Variants in ADAP1 observed in about 807,000 individuals in gnomAD.
The protein encoded by ADAP1 is arf-GAP with dual PH domain-containing protein 1.
Under a neutral mutation model 54.9 loss-of-function variants are expected in ADAP1, and 31 were observed. That is an observed-to-expected ratio of 0.56 (90% confidence interval 0.42 to 0.76). The LOEUF (loss-of-function observed/expected upper bound fraction) is 0.76. Ranked by LOEUF, ADAP1 falls within the 30% of genes least tolerant of loss-of-function variation. The pLI, the probability that ADAP1 is intolerant of heterozygous loss-of-function variation, is 0.00. For missense variants in ADAP1, 535 were observed against 512.4 expected (o/e 1.04, Z -0.42); for synonymous variants, 313 against 202.6 (o/e 1.55, Z -4.63).
intron 4 of ADAP1, among the ~76,000 whole-genome samples, chr7:913,145 T>C (rs1845790148): frequency 6.6e-6 from 1 of 151,712 alleles, no homozygotes; most frequent in Admixed American, 6.6e-5. Flanking sequence ...TGCCCGGCCT[T>C]CTTTTGTATT....
rs1156273937 is a variant in ADAP1 at position 905,270 on chromosome 7, C to CACGGGGGACACGG, written c.389-111_389-99dup. 2.7e-3 allele frequency: 1,380 copies of CACGGGGGACACGG among 507,910 alleles called. 61 individuals are homozygous for CACGGGGGACACGG. The highest frequency in any genetic ancestry group is 5.5e-3 in the Admixed American group (186 of 34,070). 31.5% of individuals were successfully genotyped at this position (507,910 alleles called of 1,614,324 possible). A position where few individuals can be genotyped will look rare whatever the true frequency, so the allele number is the denominator to read the frequency against. On this transcript the variant is annotated intron_variant, in intron 4 of 10. Coordinates refer to ENST00000265846, the MANE Select transcript of ADAP1 (RefSeq NM_006869.4). ...GGACAGAGGGGACATGGGGAGAAGACACGGGGGACACGGACGGGGGACACG... is the reference window on the plus strand; with the variant it reads ...GGACAGAGGGGACATGGGGAGAAGACACGGGGGACACGGACGGGGGACACGGACGGGGGACACG...
intron 4 of ADAP1, among the ~76,000 whole-genome samples, chr7:910,630 C>T (rs57602366): frequency 7.9e-5 from 12 of 152,340 alleles, no homozygotes; most frequent in African/African-American, 1.4e-4. Flanking sequence ...TCACACCTCA[C>T]GTATGTGATT....
At chr7:902,038 C>T (rs545246141) in intron 6 of ADAP1, among the ~76,000 whole-genome samples, 220 of 152,222 alleles carry the variant, frequency 1.4e-3, no homozygotes, top group Non-Finnish European at 2.7e-3. Flanking sequence ...CAGGCTGCAG[C>T]GGAAACTCCC....
At chr7:935,206 C>A in intron 2 of ADAP1, 169 bp downstream of exon 2, 1 of 942,260 alleles carries the variant, frequency 1.1e-6, no homozygotes, top group South Asian at 1.4e-5. Context: ...GCCACACAGG[C>A]GGAGCCGCTG....
intron 4 of ADAP1, among the ~76,000 whole-genome samples, chr7:905,880 A>AGAAGGGAGAAGGGAGAAGGGAGAAG (rs1562913143): frequency 1.4e-3 from 33 of 24,334 alleles, no homozygotes; most frequent in Admixed American, 3.0e-3. Flanking sequence ...GAAGGGAGAA[A>AGAAGGGAGAAGGGAGAAGGGAGAAG]GGAGAAAGGA....
In ADAP1 at chr7:898,005, C is replaced by T. The variant is rs1452382344; in HGVS notation, c.*916G>A. 1.3e-5 allele frequency: 2 copies of T among 152,212 alleles called. No individual in the cohort carries two copies. Among genetic ancestry groups the T allele is most frequent in the African/African-American group, 4.8e-5 (2 of 41,452 alleles). The allele number at this position is 152,212 out of a possible 1,614,324, so 9.4% of individuals were successfully genotyped here. A position where few individuals can be genotyped will look rare whatever the true frequency, so the allele number is the denominator to read the frequency against. ...CCTATGAGGGCTTGTCCAGGGCTCCCCTGGAACACAGCTCAGCCAGGCAAG... is the reference window on the plus strand; with the variant it reads ...CCTATGAGGGCTTGTCCAGGGCTCCTCTGGAACACAGCTCAGCCAGGCAAG... On this transcript the variant is annotated 3_prime_UTR_variant, in exon 11 of 11. Coordinates refer to ENST00000265846, the MANE Select transcript of ADAP1 (RefSeq NM_006869.4).
At chr7:925,323 C>A (rs1456036126) in intron 3 of ADAP1, among the ~76,000 whole-genome samples, 22 of 145,234 alleles carry the variant, frequency 1.5e-4, no homozygotes, top group Non-Finnish European at 2.5e-4. Context: ...GAATTTGCAA[C>A]CAGCCTGGGC....
At chr7:915,643 A>G (rs899993372) in intron 4 of ADAP1, among the ~76,000 whole-genome samples, 1 of 152,158 alleles carries the variant, frequency 6.6e-6, no homozygotes, top group Non-Finnish European at 1.5e-5. Context: ...TCTCAAGGGA[A>G]TATCTCAGAC....
intron 2 of ADAP1, among the ~76,000 whole-genome samples, chr7:930,690 A>C (rs1315802511): frequency 6.6e-6 from 1 of 151,814 alleles, no homozygotes; most frequent in African/African-American, 2.4e-5. Flanking sequence ...ATGGTGGCAC[A>C]CACCTGTGAT....
At chr7:902,402 G>A (rs1583118231) in intron 6 of ADAP1, among the ~76,000 whole-genome samples, 1 of 94,772 alleles carries the variant, frequency 1.1e-5, no homozygotes, top group South Asian at 3.4e-4. Flanking sequence ...AGGTTGCAGT[G>A]AGCCGAGATT....
At position 920,613 on chromosome 7, in the gene ADAP1, C is replaced by T. The variant is rs988875646; in HGVS notation, c.306-563G>A. Among the ~76,000 whole-genome samples, 16 of 152,176 alleles carry T rather than the reference C, an allele frequency of 1.1e-4. 1 individual carries two copies. The East Asian group carries it at 1.4e-3, about 13-fold the overall frequency. On this transcript the variant is annotated intron_variant, in intron 3 of 10. Coordinates refer to ENST00000265846, the MANE Select transcript of ADAP1 (RefSeq NM_006869.4). This position sits in a 1 kb window ranked among gnomAD's most constrained non-coding sequence, Gnocchi z 4.5. The stretch of plus-strand genomic sequence containing the variant: ...GCACCCGTCGAGGTCAGGAGGCGTC[C>T]GGGGCATCAGGAGAAACTACCGGCA...
chr7:905,017 C>A (rs61186351), intron 5 of ADAP1, 43 bp downstream of exon 5: 9 of 1,567,344 alleles, frequency 5.7e-6, no homozygotes, highest in Non-Finnish European at 7.8e-6. Flanking sequence ...GCCGGGATGC[C>A]GCCCTGGGAC....
chr7:932,731 A>G (rs1374557491), intron 2 of ADAP1, among the ~76,000 whole-genome samples: 1 of 151,994 alleles, frequency 6.6e-6, no homozygotes, highest in South Asian at 2.1e-4. Context: ...AGGGACGGAT[A>G]TCACATCCCA....
chr7:903,891 G>A (rs768395871), intron 6 of ADAP1: 7 of 501,118 alleles, frequency 1.4e-5, no homozygotes, highest in Non-Finnish European at 2.1e-5. Flanking sequence ...GCCCGGCCCT[G>A]GGAAGCTGCC....
intron 4 of ADAP1, among the ~76,000 whole-genome samples, chr7:915,242 G>GCCTGCACACCTCGCCTGTGCATCTCA (rs899606095): frequency 2.0e-5 from 3 of 151,898 alleles, no homozygotes; most frequent in Non-Finnish European, 4.4e-5. Context: ...TGCACACCTC[G>GCCTGCACACCTCGCCTGTGCATCTCA]CCTGTGCATC....
Position 905,270 on chromosome 7 carries a change from C to CACGGGGGGACACGG in ADAP1, c.389-99_389-98insCCGTGTCCCCCCGT, listed in dbSNP as rs1554271584. ...GGACAGAGGGGACATGGGGAGAAGA[C>CACGGGGGGACACGG]ACGGGGGACACGGACGGGGGACACG... On this transcript the variant is annotated intron_variant, in intron 4 of 10. Transcript: ENST00000265846. 14 of 507,932 alleles carry CACGGGGGGACACGG rather than the reference C, an allele frequency of 2.8e-5. No homozygotes were observed. The East Asian group carries it at 3.8e-4, about 14-fold the overall frequency. The allele number at this position is 507,932 out of a possible 1,614,324, so 31.5% of individuals were successfully genotyped here. A position where few individuals can be genotyped will look rare whatever the true frequency, so the allele number is the denominator to read the frequency against.
chr7:901,887 T>TC (rs1299692311), intron 6 of ADAP1, among the ~76,000 whole-genome samples: 1 of 150,748 alleles, frequency 6.6e-6, no homozygotes, highest in African/African-American at 2.4e-5. Context: ...CAGCTCCAGG[T>TC]CCCCCGGAAA....
chr7:927,055 C>T (rs1846415734), intron 2 of ADAP1: 2 of 1,283,686 alleles, frequency 1.6e-6, no homozygotes, highest in Non-Finnish European at 2.0e-6. Flanking sequence ...CCCCAGCTCA[C>T]ATTTAGCAAA....
intron 4 of ADAP1, among the ~76,000 whole-genome samples, chr7:915,181 G>C (rs536030064): frequency 6.6e-6 from 1 of 151,744 alleles, no homozygotes; most frequent in Non-Finnish European, 1.5e-5. Flanking sequence ...GGTAACACCT[G>C]GCCACGGCAC....
Sources: gnomAD v4.1 joint callset for allele counts (sites outside exome capture counted in the v4.1 genomes callset) on GRCh38, gnomAD v4.1.1 for gene constraint, Gnocchi (gnomAD v3.1) non-coding constraint, MANE v1.5 for transcripts, NCBI Gene and HGNC (gene_info 2026-07-23, HGNC 2026-07-21) for gene names.